Variants in PTK2B observed in about 807,000 individuals in gnomAD.
PTK2B encodes the protein protein tyrosine kinase 2 beta.
A neutral mutation model predicts 142.9 loss-of-function variants in PTK2B; 71 were observed. The observed-to-expected ratio is 0.50, with a 90% CI of 0.41 to 0.61. PTK2B has a LOEUF of 0.61. Ranked by LOEUF, PTK2B falls within the 20% of genes least tolerant of loss-of-function variation. The pLI is 0.00. For synonymous variants in PTK2B, 519 were observed against 503.4 expected (o/e 1.03, Z -0.42); for missense variants, 1,105 against 1,320.4 (o/e 0.84, Z 2.53).
chr8:27,446,788 A>C (rs568743167), intron 24 of PTK2B, among the ~76,000 whole-genome samples: 1 of 152,264 alleles, frequency 6.6e-6, no homozygotes, highest in East Asian at 1.9e-4. Context: ...GATGTAGGCA[A>C]GTATGCTGAT....
Position 27,397,568 on chromosome 8 carries a change from A to C in PTK2B, c.-17A>C. ...TGCAGGACTGCAATGTGCCGATCTT[A>C]GCTGCTGCCTGAGAGGATGTCTGGG... On this transcript the variant is annotated 5_prime_UTR_variant, in exon 2 of 31. It removes the in-frame stop codon of an upstream open reading frame in the 5' UTR. Transcript: ENST00000346049. The C allele has an allele frequency of 6.2e-7, 1 of 1,612,464 alleles. No individual in the cohort carries two copies.
Position 27,458,615 on chromosome 8 carries a change from G to C in PTK2B, c.*106G>C. On this transcript the variant is annotated 3_prime_UTR_variant, in exon 31 of 31. Transcript: ENST00000346049. ...TCTTCCAGGGGGAAGGCCAAGGGGA[G>C]TCACCTTCCCTTGCCACTTTGCACG... 8.2e-7 allele frequency: 1 copy of C among 1,214,018 alleles called. No individual in the cohort carries two copies. Among genetic ancestry groups the C allele is most frequent in the Non-Finnish European group, 1.2e-6 (1 of 869,136 alleles). The allele number at this position is 1,214,018 out of a possible 1,614,324, so 75.2% of individuals were successfully genotyped here. A position where few individuals can be genotyped will look rare whatever the true frequency, so the allele number is the denominator to read the frequency against.
At chr8:27,440,168 G>A (rs1811067872) in intron 20 of PTK2B, 69 bp from the exon 21 acceptor site, 3 of 1,495,064 alleles carry the variant, frequency 2.0e-6, no homozygotes, top group East Asian at 2.3e-5. Context: ...AGTGCTAATG[G>A]CGATGGTGCT....
intron 21 of PTK2B, 111 bp downstream of exon 21, chr8:27,440,552 G>A: frequency 7.7e-7 from 1 of 1,297,998 alleles, no homozygotes; most frequent in Non-Finnish European, 1.1e-6. Context: ...ACGGGCCAGG[G>A]TCAAGGACAG....
At position 27,325,696 on chromosome 8, in the gene PTK2B, C is replaced by G. The variant is rs1440974331; in HGVS notation, c.-38+15C>G. The G allele has an allele frequency of 2.6e-5, 4 of 152,246 alleles. No homozygotes were observed. Among genetic ancestry groups the G allele is most frequent in the Non-Finnish European group, 5.9e-5 (4 of 68,098 alleles). 9.4% of individuals were successfully genotyped at this position (152,246 alleles called of 1,614,324 possible). ...CGCCTCCCTGGGTGAGTCCCTCCCG[C>G]GAGCCAGGGCTGAGCGCTGCGCCCG... On this transcript the variant is annotated intron_variant, in intron 1 of 30. Transcript: ENST00000346049.
Position 27,435,781 on chromosome 8 carries a change from C to T in PTK2B, c.1231C>T (p.Arg411Ter), listed in dbSNP as rs776459863. Residue 411 changes from arginine (R) to a stop codon, truncating the protein, a stop_gained, in exon 14 of 31, where the codon CGA (arginine) becomes TGA (stop). Transcript: ENST00000346049. LOFTEE classifies it high-confidence loss of function. ...CGCAGAGATTCCCGACGAAACCCTGCGAAGGCCCGGAGGTAGGTTCTCGAC... is the reference window on the plus strand; with the variant it reads ...CGCAGAGATTCCCGACGAAACCCTGTGAAGGCCCGGAGGTAGGTTCTCGAC... ...IYAEIPDETL[R>*]RPGGPQYGIA... The T allele has an allele frequency of 1.4e-5, 22 of 1,613,954 alleles. No individual in the cohort carries two copies. The highest frequency in any genetic ancestry group is 1.8e-5 in the Non-Finnish European group (21 of 1,180,024).
intron 2 of PTK2B, among the ~76,000 whole-genome samples, chr8:27,410,614 G>T (rs550416908): frequency 6.6e-6 from 1 of 152,284 alleles, no homozygotes; most frequent in South Asian, 2.1e-4. Flanking sequence ...ATTAGAAATA[G>T]GTGAGCCTGA....
At position 27,440,231 on chromosome 8, in the gene PTK2B, C is replaced by A. The variant is rs975456619; in HGVS notation, c.1835-6C>A. ...ACCCAGGGCCTGACGCTCCCTTACA[C>A]CCCAGCCGTGTGCATGTGGGAGATC... On this transcript the variant is annotated splice_region_variant and splice_polypyrimidine_tract_variant and intron_variant, in intron 20 of 30. Coordinates refer to ENST00000346049, the MANE Select transcript of PTK2B (RefSeq NM_173176.3). 1.9e-6 allele frequency: 3 copies of A among 1,613,966 alleles called. No individual in the cohort carries two copies. In the African/African-American group the frequency reaches 4.0e-5, roughly 22 times the overall value.
chr8:27,420,772 G>T, intron 4 of PTK2B, 28 bp downstream of exon 4: 1 of 1,572,680 alleles, frequency 6.4e-7, no homozygotes, highest in Non-Finnish European at 8.7e-7. Context: ...TTCTTGCCCC[G>T]AGGCTCCCAT....
At chr8:27,311,379 T>C (rs901712269), upstream of PTK2B, 7 of 1,084,534 alleles carry the variant, frequency 6.5e-6, no homozygotes, top group East Asian at 1.5e-4. Flanking sequence ...TGGCCAATCG[T>C]GCGGGGGGGA....
chr8:27,357,354 G>C (rs1161104876), intron 1 of PTK2B, among the ~76,000 whole-genome samples: 1 of 152,228 alleles, frequency 6.6e-6, no homozygotes, highest in Non-Finnish European at 1.5e-5. Context: ...AGCCACTTCA[G>C]TTGGTGTTTA....
chr8:27,399,626 C>G (rs1343047124), intron 2 of PTK2B, among the ~76,000 whole-genome samples: 3 of 152,050 alleles, frequency 2.0e-5, no homozygotes, highest in Non-Finnish European at 4.4e-5. Flanking sequence ...ATGGAGAAGG[C>G]AATGAGACCC....
At chr8:27,310,781 G>A (rs1802918559), upstream of PTK2B, 1 of 1,556,412 alleles carries the variant, frequency 6.4e-7, no homozygotes, top group Non-Finnish European at 8.7e-7. Flanking sequence ...CGGCCGCCTC[G>A]TGCAAATCGC....
chr8:27,376,545 A>G (rs918436070), intron 1 of PTK2B, among the ~76,000 whole-genome samples: 3 of 152,238 alleles, frequency 2.0e-5, no homozygotes, highest in Non-Finnish European at 4.4e-5. Flanking sequence ...TGATGAAGGC[A>G]TTCTAAGTCA....
chr8:27,419,898 A>G lies in PTK2B; in HGVS notation c.208A>G (p.Ile70Val), dbSNP rs1357109631. ...KCTVQTEIRE[I>V]ITSILLSGRI... ...GCCTCTCTCTTCTCCTCTGCAGGAG[A>G]TCATCACCTCCATCCTGCTGAGCGG... Residue 70 changes from isoleucine to valine, a missense_variant, in exon 3 of 31, where the codon ATC becomes GTC. By Grantham distance (29) the Ile-to-Val change is conservative (BLOSUM62 3). Transcript: ENST00000346049. 3 of 1,614,044 alleles carry G rather than the reference A, an allele frequency of 1.9e-6. No individual in the cohort carries two copies. Among genetic ancestry groups the G allele is most frequent in the East Asian group, 2.2e-5 (1 of 44,872 alleles).
upstream of PTK2B, among the ~76,000 whole-genome samples, chr8:27,322,171 C>T (rs1410056004): frequency 6.6e-6 from 1 of 152,094 alleles, no homozygotes; most frequent in Middle Eastern, 3.4e-3. Context: ...TTGTATTTAT[C>T]CATTTTTTTT....
At chr8:27,319,161 G>A (rs1364290355) in intron 3 of PTK2B, among the ~76,000 whole-genome samples, 4 of 151,866 alleles carry the variant, frequency 2.6e-5, no homozygotes, top group African/African-American at 7.3e-5. Flanking sequence ...ATTATGTGCA[G>A]TTTCAAATGC....
chr8:27,434,061 C>T (rs1261333027), intron 11 of PTK2B, 32 bp from the exon 12 acceptor site: 1 of 1,613,112 alleles, frequency 6.2e-7, no homozygotes, highest in South Asian at 1.1e-5. Flanking sequence ...GTGTCCCCAG[C>T]TCCAACCTCC....
chr8:27,311,234 A>T, upstream of PTK2B: 1 of 1,532,474 alleles, frequency 6.5e-7, no homozygotes, highest in Non-Finnish European at 8.8e-7. Flanking sequence ...ACTCCGCTCC[A>T]TGGCACGAGC....
Sources: gnomAD v4.1 joint callset for allele counts (sites outside exome capture counted in the v4.1 genomes callset) on GRCh38, gnomAD v4.1.1 for gene constraint, MANE v1.5 for transcripts, NCBI Gene and HGNC (gene_info 2026-07-23, HGNC 2026-07-21) for gene names.